The following HHLA1 variants were observed in gnomAD, a reference collection of about 807,000 sequenced individuals.
The protein encoded by HHLA1 is HERV-H LTR-associating protein 1.
A neutral mutation model predicts 69.9 loss-of-function variants in HHLA1; 72 were observed. The observed-to-expected ratio is 1.03, with a 90% CI of 0.85 to 1.25. The LOEUF (loss-of-function observed/expected upper bound fraction) is 1.25. Among genes scored for constraint, HHLA1 ranks in the 50% most tolerant of loss-of-function variants. The pLI, the probability that HHLA1 is intolerant of heterozygous loss-of-function variation, is 0.00. For synonymous variants in HHLA1, 252 were observed against 233.2 expected (o/e 1.08, Z -0.73); for missense variants, 685 against 642.2 (o/e 1.07, Z -0.72).
intron 8 of HHLA1, 60 bp from the exon 9 acceptor site, chr8:132,087,961 G>C: frequency 7.7e-7 from 1 of 1,291,026 alleles, no homozygotes; most frequent in South Asian, 1.3e-5. Flanking sequence ...GTAAGTCTTT[G>C]ATTGAAATGA....
chr8:132,098,090 T>C (rs938725376), intron 5 of HHLA1, among the ~76,000 whole-genome samples: 2 of 152,236 alleles, frequency 1.3e-5, no homozygotes, highest in African/African-American at 4.8e-5. Flanking sequence ...TATCCTCCAA[T>C]ATTTGGAATA....
Position 132,077,796 on chromosome 8 carries a change from TGTA to T in HHLA1, c.1098_1100del (p.Thr367del). ...TCTCAGCAGCAGGCGCCAAAAGGCT[TGTA>T]GTGTTCATGGCTTCCTCGGTCCCTG... On this transcript the variant is annotated inframe_deletion, in exon 12 of 17. Coordinates refer to ENST00000414222, the MANE Select transcript of HHLA1 (RefSeq NM_001145095.3). The T allele has an allele frequency of 6.4e-7, 1 of 1,551,642 alleles. No homozygotes were observed. Among genetic ancestry groups the T allele is most frequent in the Non-Finnish European group, 8.7e-7 (1 of 1,146,978 alleles).
chr8:132,110,245 G>A (rs1320984031), intron 1 of HHLA1, among the ~76,000 whole-genome samples: 1 of 152,176 alleles, frequency 6.6e-6, no homozygotes, highest in East Asian at 1.9e-4. Flanking sequence ...CACATGTTCT[G>A]AGGCATTACG....
At chr8:132,096,859 G>C (rs1393079338) in intron 5 of HHLA1, among the ~76,000 whole-genome samples, 1 of 152,082 alleles carries the variant, frequency 6.6e-6, no homozygotes, top group Non-Finnish European at 1.5e-5. Context: ...ACTCAGGCTG[G>C]AATGCAATCG....
chr8:132,076,375 T>A, intron 13 of HHLA1, 100 bp downstream of exon 13: 8 of 839,536 alleles, frequency 9.5e-6, no homozygotes, highest in Non-Finnish European at 7.6e-6. Flanking sequence ...CCTGCTTAGA[T>A]TGCTTACTGG....
At chr8:132,087,386 G>A (rs1221985514) in intron 10 of HHLA1, among the ~76,000 whole-genome samples, 5 of 152,176 alleles carry the variant, frequency 3.3e-5, no homozygotes, top group African/African-American at 1.2e-4. Context: ...GGAAAAGAAG[G>A]AAAAGGTGCC....
chr8:132,104,228 T>A (rs1278361470), intron 2 of HHLA1, 61 bp from the exon 3 acceptor site: 2 of 1,171,446 alleles, frequency 1.7e-6, no homozygotes, highest in Non-Finnish European at 2.5e-6. Flanking sequence ...GGAGATAATT[T>A]GATTCAACAT....
At chr8:132,070,963 C>T (rs557630415) in intron 15 of HHLA1, among the ~76,000 whole-genome samples, 21 of 152,040 alleles carry the variant, frequency 1.4e-4, no homozygotes, top group Non-Finnish European at 3.1e-4. Flanking sequence ...CAACTCCAGT[C>T]ATCTCAACTC....
intron 5 of HHLA1, among the ~76,000 whole-genome samples, chr8:132,097,436 C>A (rs941205871): frequency 3.9e-5 from 6 of 152,160 alleles, no homozygotes; most frequent in African/African-American, 1.4e-4. Flanking sequence ...AATGGGCACG[C>A]CTCAACGTCT....
At chr8:132,110,674 A>C (rs779594385) in intron 1 of HHLA1, among the ~76,000 whole-genome samples, 17 of 152,218 alleles carry the variant, frequency 1.1e-4, no homozygotes, top group African/African-American at 4.1e-4. Context: ...GTTTGCTGCC[A>C]AAATCCATTG....
At chr8:132,083,413 G>A (rs1374547354) in intron 10 of HHLA1, among the ~76,000 whole-genome samples, 13 of 151,608 alleles carry the variant, frequency 8.6e-5, no homozygotes, top group African/African-American at 1.7e-4. Context: ...AGAAGGGGAC[G>A]GGCTTACCTT....
rs117217314 is a variant in HHLA1, at chr8:132,081,763, G to A, written c.677-1797C>T. 1.2e-3 allele frequency among the ~76,000 whole-genome samples: 189 copies of A among 152,268 alleles called. 2 individuals carry two copies. The East Asian group carries it at 0.033, about 27-fold the overall frequency. Reference sequence around the variant, plus strand: ...AGCTAATTTGCCAGTCCTGGGTGGCGCAAATCCTCGAGCTTCATGTGTACG... The same window carrying A: ...AGCTAATTTGCCAGTCCTGGGTGGCACAAATCCTCGAGCTTCATGTGTACG... On this transcript the variant is annotated intron_variant, in intron 10 of 16. Transcript: ENST00000414222.
chr8:132,074,073 C>T (rs1316949885), intron 14 of HHLA1, among the ~76,000 whole-genome samples: 2 of 152,204 alleles, frequency 1.3e-5, no homozygotes, highest in Non-Finnish European at 2.9e-5. Flanking sequence ...TACTGTTAAT[C>T]TCACTCTTGG....
In HHLA1 at chr8:132,095,508, G is replaced by C. The variant is rs1302513019; in HGVS notation, c.448+11C>G. On this transcript the variant is annotated intron_variant, in intron 7 of 16. Transcript: ENST00000414222. ...GGAAAAGCTGCAAGCCTCATGGTAA[G>C]CTGTACCCACCTGATAAGTCATTGG... The C allele has an allele frequency of 1.3e-6, 2 of 1,529,276 alleles. No homozygotes were observed. Among genetic ancestry groups the C allele is most frequent in the South Asian group, 2.4e-5 (2 of 83,306 alleles). 94.7% of individuals were successfully genotyped at this position (1,529,276 alleles called of 1,614,324 possible).
intron 1 of HHLA1, among the ~76,000 whole-genome samples, chr8:132,110,672 C>T (rs1824281473): frequency 6.6e-6 from 1 of 152,192 alleles, no homozygotes; most frequent in Admixed American, 6.5e-5. Context: ...CTGTTTGCTG[C>T]CAAAATCCAT....
Position 132,080,599 on chromosome 8 carries a change from T to A in HHLA1, c.677-633A>T, listed in dbSNP as rs553133759. The A allele has an allele frequency of 1.2e-3, 196 of 164,546 alleles. 1 individual carries two copies. Among genetic ancestry groups the A allele is most frequent in the African/African-American group, 4.5e-3 (187 of 41,388 alleles). The allele number at this position is 164,546 out of a possible 1,614,324, so 10.2% of individuals were successfully genotyped here. ...TGGGGCAGGGCATATTCACTTCTTTTGTGATTCTTCAGTTACTTCAGGCCA... is the reference window on the plus strand; with the variant it reads ...TGGGGCAGGGCATATTCACTTCTTTAGTGATTCTTCAGTTACTTCAGGCCA... On this transcript the variant is annotated intron_variant, in intron 10 of 16. Transcript: ENST00000414222.
Position 132,074,832 on chromosome 8 carries a change from TTAGA to T in HHLA1, c.1315+1219_1315+1222del, listed in dbSNP as rs1489716801. ...GATAGATGGCTTGGATAAATATCTA[TTAGA>T]TAGATGACAGATGAGTGGGTAGGTT... is the stretch of plus-strand genomic sequence containing the variant. On this transcript the variant is annotated intron_variant, in intron 14 of 16. Coordinates refer to ENST00000414222, the MANE Select transcript of HHLA1 (RefSeq NM_001145095.3). Among the ~76,000 whole-genome samples, 68 of 152,178 alleles carry T rather than the reference TTAGA, an allele frequency of 4.5e-4. 2 individuals are homozygous for T. Among genetic ancestry groups the T allele is most frequent in the Admixed American group, 4.4e-3 (67 of 15,288 alleles).
chr8:132,101,573 A>G (rs1489060359), intron 3 of HHLA1, among the ~76,000 whole-genome samples: 1 of 135,280 alleles, frequency 7.4e-6, no homozygotes, highest in Non-Finnish European at 1.6e-5. Context: ...CATGAAATCT[A>G]CCCTATTAAT....
At chr8:132,072,475 C>T (rs1018182793) in intron 14 of HHLA1, among the ~76,000 whole-genome samples, 2 of 152,026 alleles carry the variant, frequency 1.3e-5, no homozygotes, top group East Asian at 1.9e-4. Flanking sequence ...CCACTACATG[C>T]TAGGCACTGG....
Sources: gnomAD v4.1 joint callset for allele counts (sites outside exome capture counted in the v4.1 genomes callset) on GRCh38, gnomAD v4.1.1 for gene constraint, MANE v1.5 for transcripts, NCBI Gene and HGNC (gene_info 2026-07-23, HGNC 2026-07-21) for gene names.